NEB: variants seen among roughly 807,000 people sequenced by gnomAD.
NEB encodes nebulin, also known as nemaline myopathy type 2.
NEB carries 512 observed loss-of-function variants against 952.2 expected under a neutral mutation model. The ratio of observed to expected loss-of-function variants is 0.54; its 90% CI spans 0.50 to 0.58. The LOEUF (loss-of-function observed/expected upper bound fraction) is 0.58. NEB is among the 20% of genes least tolerant of loss of function. NEB has a pLI of 0.00. For missense variants in NEB, 8,428 were observed against 9,231.1 expected, an observed-to-expected ratio of 0.91 and a Z score of 3.56; for synonymous variants, 2,900 against 3,149.8, an observed-to-expected ratio of 0.92 and a Z score of 2.66.
intron 38 of NEB, among the ~76,000 whole-genome samples, chr2:151,670,131 C>T (rs563226332): frequency 4.6e-5 from 7 of 152,106 alleles, no homozygotes; most frequent in Admixed American, 6.5e-5. Context: ...AGTGACATCT[C>T]GCTCAGTACA....
chr2:151,502,859 T>C lies in NEB; in HGVS notation c.23862A>G (p.Lys7954=), dbSNP rs753799779. The C allele has an allele frequency of 1.2e-6, 2 of 1,604,088 alleles. No individual in the cohort carries two copies. The highest frequency in any genetic ancestry group is 1.7e-6 in the Non-Finnish European group (2 of 1,174,804). Residue 7954 remains lysine, a synonymous_variant, in exon 167 of 182, where the codon AAA becomes AAG. Transcript: ENST00000397345. ...CTGGAGTGATAGGTGTTGGGATTCC[T>C]TTCCCCAAATTTTCTTTGTACAAAA... ...SSVLYKENLG[K]GIPTPITPEM... is the part of the protein sequence containing the mutation.
chr2:151,610,904 G>T, intron 78 of NEB, 38 bp from the exon 79 acceptor site: 1 of 1,313,970 alleles, frequency 7.6e-7, no homozygotes, highest in Non-Finnish European at 1.0e-6. Context: ...GGGAGAGGGA[G>T]GGAGTATAAG....
chr2:151,651,218 T>G (rs986380541), intron 52 of NEB, among the ~76,000 whole-genome samples: 16 of 152,248 alleles, frequency 1.1e-4, no homozygotes, highest in African/African-American at 3.6e-4. Context: ...AGAAATCTAA[T>G]GTAATTGAGT....
chr2:151,553,796 G>T (rs114157246), intron 126 of NEB, 32 bp downstream of exon 126: 1 of 1,573,870 alleles, frequency 6.4e-7, no homozygotes, highest in East Asian at 2.3e-5. Context: ...GGGCGGGGCC[G>T]TGGAGGGGTA....
intron 38 of NEB, 119 bp from the exon 39 acceptor site, chr2:151,669,250 A>G (rs2154186118): frequency 1.4e-6 from 1 of 694,294 alleles, no homozygotes; most frequent in Admixed American, 2.3e-5. Flanking sequence ...CGAGACAAAT[A>G]CCTACTCTGT....
rs755734122 is a variant in NEB at position 151,706,905 on chromosome 2, C to T, written c.1128G>A (p.Lys376=). The T allele has an allele frequency of 6.2e-7, 1 of 1,605,412 alleles. No homozygotes were observed. Among genetic ancestry groups the T allele is most frequent in the Non-Finnish European group, 8.5e-7 (1 of 1,175,396 alleles). ...ASENPQLRQL[K]AAGDALSDKL... Reference sequence around the variant, plus strand: ...CGTCACTTAGGGCATCTCCTGCTGCCTTCAGCTGCCTAAGCTGTGGGTTCT... The same window carrying T: ...CGTCACTTAGGGCATCTCCTGCTGCTTTCAGCTGCCTAAGCTGTGGGTTCT... The change falls in exon 13 of 182, where the codon AAG becomes AAA. Residue 376 remains lysine (K), a synonymous_variant. Coordinates refer to ENST00000397345, the MANE Select transcript of NEB (RefSeq NM_001164508.2).
intron 28 of NEB, among the ~76,000 whole-genome samples, chr2:151,683,775 G>C (rs2099454342): frequency 6.6e-6 from 1 of 152,136 alleles, no homozygotes; most frequent in Admixed American, 6.5e-5. Flanking sequence ...CATATTCATA[G>C]CAGCATTATT....
At chr2:151,626,794 G>A (rs2098535500) in intron 70 of NEB, among the ~76,000 whole-genome samples, 2 of 152,150 alleles carry the variant, frequency 1.3e-5, no homozygotes, top group South Asian at 4.1e-4. Flanking sequence ...AAAGAGCTGT[G>A]CCATTCTTAA....
chr2:151,703,014 T>C (rs969496183), intron 13 of NEB, among the ~76,000 whole-genome samples: 1 of 152,160 alleles, frequency 6.6e-6, no homozygotes, highest in Non-Finnish European at 1.5e-5. Context: ...TTGCTTTCCA[T>C]GTTTAGCGCT....
chr2:151,713,334 C>A (rs1421312354), intron 10 of NEB, among the ~76,000 whole-genome samples: 1 of 152,154 alleles, frequency 6.6e-6, no homozygotes, highest in African/African-American at 2.4e-5. Context: ...GTTATCCCTG[C>A]AGAAAAGGTA....
At chr2:151,727,064 A>C (rs1272951912) in intron 5 of NEB, among the ~76,000 whole-genome samples, 6 of 151,978 alleles carry the variant, frequency 3.9e-5, no homozygotes, top group African/African-American at 1.2e-4. Context: ...AAAAAAAAAA[A>C]AAAAAACCTT....
intron 153 of NEB, among the ~76,000 whole-genome samples, chr2:151,521,375 A>G (rs1452774498): frequency 6.6e-6 from 1 of 152,214 alleles, no homozygotes; most frequent in African/African-American, 2.4e-5. Context: ...CAAATGCTAC[A>G]ATGGCTCTTC....
chr2:151,538,577 A>C (rs181150718), intron 138 of NEB, among the ~76,000 whole-genome samples: 2 of 152,232 alleles, frequency 1.3e-5, no homozygotes, highest in African/African-American at 2.4e-5. Flanking sequence ...AATTTCGGTA[A>C]ATCTAAGACT....
At chr2:151,560,211 G>A (rs1316734191) in intron 124 of NEB, among the ~76,000 whole-genome samples, 1 of 152,108 alleles carries the variant, frequency 6.6e-6, no homozygotes, top group Non-Finnish European at 1.5e-5. Flanking sequence ...ATAATAACCG[G>A]TTATCATATT....
At chr2:151,620,692 C>T (rs1350146652) in intron 72 of NEB, among the ~76,000 whole-genome samples, 1 of 152,024 alleles carries the variant, frequency 6.6e-6, no homozygotes, top group African/African-American at 2.4e-5. Flanking sequence ...GGCACTCACT[C>T]CTATTGAGCA....
chr2:151,494,633 G>GT lies in NEB; in HGVS notation c.24487-381dup, dbSNP rs1034174615. Among the ~76,000 whole-genome samples, 762 of 150,636 alleles carry GT rather than the reference G, an allele frequency of 5.1e-3. 5 individuals are homozygous for GT. Among genetic ancestry groups the GT allele is most frequent in the African/African-American group, 0.016 (639 of 41,088 alleles). ...GCTGTTCCTAATACATCAGCTGTTT[G>GT]TTTTTTTTTGTTTTGTTTTGTTTTG... On this transcript the variant is annotated intron_variant, in intron 173 of 181. Transcript: ENST00000397345.
At chr2:151,494,456 AC>A (rs1477064383) in intron 173 of NEB, among the ~76,000 whole-genome samples, 2 of 152,056 alleles carry the variant, frequency 1.3e-5, no homozygotes, top group Admixed American at 6.6e-5. Context: ...CTGCCCTGAA[AC>A]CCTTGAGGAC....
In NEB at chr2:151,560,622, G is replaced by T. The variant is rs201005449; in HGVS notation, c.19284C>A (p.His6428Gln). 1 of 1,612,406 alleles carries T rather than the reference G, an allele frequency of 6.2e-7. No individual in the cohort carries two copies. Among genetic ancestry groups the T allele is most frequent in the South Asian group, 1.1e-5 (1 of 90,612 alleles). ...ILPSSTLSLTHAKNQKHLASH... is the reference protein window; with the variant it reads ...ILPSSTLSLTQAKNQKHLASH... ...TGGCCAGATGCTTCTGGTTCTTGGC[G>T]TGTGTCAGGGACAAGGTGCTGGAAG... Residue 6428 changes from histidine (H) to glutamine (Q), a missense_variant, in exon 124 of 182, where the codon CAC (histidine) becomes CAA (glutamine). Coordinates refer to ENST00000397345, the MANE Select transcript of NEB (RefSeq NM_001164508.2).
At chr2:151,517,604 A>G (rs897309304) in intron 156 of NEB, among the ~76,000 whole-genome samples, 1 of 152,210 alleles carries the variant, frequency 6.6e-6, no homozygotes, top group African/African-American at 2.4e-5. Flanking sequence ...GTACACTTAC[A>G]CAAACCTAGA....
Sources: allele counts gnomAD v4.1 joint callset (sites outside exome capture counted in the v4.1 genomes callset), GRCh38; gene constraint gnomAD v4.1.1; transcripts MANE v1.5; gene names NCBI Gene and HGNC (gene_info 2026-07-23, HGNC 2026-07-21).